The following LRRTM4 variants were observed in gnomAD, a reference collection of about 807,000 sequenced individuals.
LRRTM4 encodes leucine rich repeat transmembrane neuronal 4.
Under a neutral mutation model 47.6 loss-of-function variants are expected in LRRTM4, and 25 were observed. The observed-to-expected ratio is 0.53, with a 90% CI of 0.38 to 0.73. The LOEUF is 0.73. Ranked by LOEUF, LRRTM4 falls within the 30% of genes least tolerant of loss-of-function variation. The pLI is 0.00. For missense variants in LRRTM4, 638 were observed against 713.4 expected (o/e 0.89, Z 1.20); for synonymous variants, 311 against 269.5 (o/e 1.15, Z -1.51).
chr2:77,312,823 C>T lies in LRRTM4; in HGVS notation c.1551+205495G>A, dbSNP rs551466304. 6.1e-4 allele frequency among the ~76,000 whole-genome samples: 93 copies of T among 152,222 alleles called. No individual in the cohort carries two copies. In the South Asian group the frequency reaches 0.018, roughly 30 times the overall value. ...ATGATAGAGATTTGGTATAACCATTCTAGAATATGTTAAGGGAGAATTTTG... is the reference window on the plus strand; with the variant it reads ...ATGATAGAGATTTGGTATAACCATTTTAGAATATGTTAAGGGAGAATTTTG... On this transcript the variant is annotated intron_variant, in intron 3 of 3. Coordinates refer to ENST00000409884, the MANE Select transcript of LRRTM4 (RefSeq NM_001134745.3).
At chr2:77,296,747 G>A (rs1214231133) in intron 3 of LRRTM4, among the ~76,000 whole-genome samples, 1 of 152,078 alleles carries the variant, frequency 6.6e-6, no homozygotes, top group Non-Finnish European at 1.5e-5. Flanking sequence ...AGTGAGCTGG[G>A]CCACCACCAG....
intron 3 of LRRTM4, among the ~76,000 whole-genome samples, chr2:77,118,220 G>A (rs1028221677): frequency 1.3e-4 from 19 of 151,182 alleles, no homozygotes; most frequent in Middle Eastern, 3.2e-3. Flanking sequence ...TTCATGCCAC[G>A]TTGTTTGGGA....
chr2:77,363,172 T>C (rs1459529390), intron 3 of LRRTM4, among the ~76,000 whole-genome samples: 1 of 152,238 alleles, frequency 6.6e-6, no homozygotes, highest in Admixed American at 6.5e-5. Flanking sequence ...GAATTTATAC[T>C]ATCTCCATAA....
At chr2:77,300,201 A>C (rs1308244247) in intron 3 of LRRTM4, among the ~76,000 whole-genome samples, 1 of 152,190 alleles carries the variant, frequency 6.6e-6, no homozygotes, top group South Asian at 2.1e-4. Flanking sequence ...GAGAGTACCT[A>C]AAAGCAATGA....
intron 3 of LRRTM4, among the ~76,000 whole-genome samples, chr2:76,750,023 TG>T (rs1672795784): frequency 6.6e-6 from 1 of 152,226 alleles, no homozygotes; most frequent in South Asian, 2.1e-4. Flanking sequence ...ACCACATATC[TG>T]TTTTATTTGT....
chr2:77,496,667 A>G (rs1678375971), intron 3 of LRRTM4, among the ~76,000 whole-genome samples: 2 of 151,730 alleles, frequency 1.3e-5, no homozygotes, highest in African/African-American at 2.4e-5. Flanking sequence ...TTGATTTGGT[A>G]ATGATTTTGG....
At chr2:77,093,941 A>C (rs1351910366) in intron 3 of LRRTM4, among the ~76,000 whole-genome samples, 1 of 151,824 alleles carries the variant, frequency 6.6e-6, no homozygotes, top group Non-Finnish European at 1.5e-5. Context: ...GCCAGAGAAC[A>C]AACCCGCTTT....
chr2:76,843,751 T>C (rs2103943087), intron 3 of LRRTM4, among the ~76,000 whole-genome samples: 1 of 152,274 alleles, frequency 6.6e-6, no homozygotes, highest in African/African-American at 2.4e-5. Flanking sequence ...GGGTTGATGG[T>C]AGCTGAGTCC....
At chr2:77,283,140 CAAAT>C (rs1419988409) in intron 3 of LRRTM4, among the ~76,000 whole-genome samples, 6 of 151,806 alleles carry the variant, frequency 4.0e-5, no homozygotes, top group Admixed American at 1.3e-4. Context: ...AAGCAAAACT[CAAAT>C]AACCCCATTA....
chr2:76,764,509 T>C (rs1481651614), intron 3 of LRRTM4, among the ~76,000 whole-genome samples: 2 of 152,066 alleles, frequency 1.3e-5, no homozygotes, highest in Non-Finnish European at 2.9e-5. Flanking sequence ...CGGGCGCCTA[T>C]AGTCCCAGCT....
chr2:77,196,107 AT>A (rs1357140767), intron 3 of LRRTM4, among the ~76,000 whole-genome samples: 19 of 152,166 alleles, frequency 1.2e-4, no homozygotes, highest in African/African-American at 4.3e-4. Flanking sequence ...ATAATGGTAT[AT>A]TTGTTTGGTT....
intron 3 of LRRTM4, among the ~76,000 whole-genome samples, chr2:77,038,545 C>G (rs567885321): frequency 2.0e-5 from 3 of 151,630 alleles, no homozygotes; most frequent in African/African-American, 7.2e-5. Context: ...ATACAAAATT[C>G]TGTATCCCCT....
intron 3 of LRRTM4, among the ~76,000 whole-genome samples, chr2:77,450,657 T>A (rs1430943881): frequency 1.3e-5 from 2 of 152,090 alleles, no homozygotes; most frequent in African/African-American, 2.4e-5. Context: ...TGATTCCTGA[T>A]CTGCCAAAAA....
At chr2:77,136,394 C>T (rs1211989089) in intron 3 of LRRTM4, among the ~76,000 whole-genome samples, 1 of 152,172 alleles carries the variant, frequency 6.6e-6, no homozygotes, top group African/African-American at 2.4e-5. Flanking sequence ...CAGCAAACTC[C>T]ACCAGACCTG....
chr2:77,318,687 A>G (rs1271364099), intron 3 of LRRTM4, among the ~76,000 whole-genome samples: 1 of 152,214 alleles, frequency 6.6e-6, no homozygotes, highest in Non-Finnish European at 1.5e-5. Context: ...TTTTATTTGC[A>G]TACAAAAGTG....
At chr2:77,188,378 A>C (rs1177571319) in intron 3 of LRRTM4, among the ~76,000 whole-genome samples, 1 of 151,936 alleles carries the variant, frequency 6.6e-6, no homozygotes, top group Non-Finnish European at 1.5e-5. Context: ...ATTTCATTTG[A>C]CTTTGTTAAT....
intron 3 of LRRTM4, among the ~76,000 whole-genome samples, chr2:76,969,626 A>C (rs1175339493): frequency 6.6e-6 from 1 of 151,952 alleles, no homozygotes; most frequent in East Asian, 1.9e-4. Context: ...TTTTCTAACA[A>C]CAAAAAAAAT....
At chr2:77,417,671 C>A (rs941882429) in intron 3 of LRRTM4, among the ~76,000 whole-genome samples, 8 of 151,436 alleles carry the variant, frequency 5.3e-5, no homozygotes, top group Non-Finnish European at 8.8e-5. Context: ...GGACAAAAAA[C>A]CAAGCACCGC....
At chr2:77,071,004 G>C (rs938310599) in intron 3 of LRRTM4, among the ~76,000 whole-genome samples, 8 of 152,054 alleles carry the variant, frequency 5.3e-5, no homozygotes, top group African/African-American at 1.9e-4. Flanking sequence ...TTACCCTTGG[G>C]ATTACTACCT....
Sources: allele counts gnomAD v4.1 joint callset (sites outside exome capture counted in the v4.1 genomes callset), GRCh38; gene constraint gnomAD v4.1.1; transcripts MANE v1.5; gene names NCBI Gene and HGNC (gene_info 2026-07-23, HGNC 2026-07-21).